Variants in KCNH5 observed in about 807,000 individuals in gnomAD.
KCNH5 encodes the protein voltage-gated delayed rectifier potassium channel KCNH5.
A neutral mutation model predicts 96.1 loss-of-function variants in KCNH5; 46 were observed. That is an observed-to-expected ratio of 0.48 (90% CI 0.38 to 0.61). The LOEUF (loss-of-function observed/expected upper bound fraction) is 0.61. Ranked by LOEUF, KCNH5 falls within the 20% of genes least tolerant of loss-of-function variation. The pLI is 0.00. For synonymous variants in KCNH5, 439 were observed against 449.8 expected (o/e 0.98, Z 0.30); for missense variants, 907 against 1,225.8 (o/e 0.74, Z 3.88).
chr14:62,951,795 T>C (rs1022828380), intron 6 of KCNH5, among the ~76,000 whole-genome samples: 1 of 151,782 alleles, frequency 6.6e-6, no homozygotes, highest in African/African-American at 2.4e-5. Context: ...ACCCTGTCTC[T>C]ACTAAAAAAA....
At chr14:63,006,320 T>A in intron 3 of KCNH5, 46 bp downstream of exon 3, 1 of 1,196,222 alleles carries the variant, frequency 8.4e-7, no homozygotes. Context: ...CCAAACATAA[T>A]ATTAATAAAG....
At chr14:62,918,109 G>A (rs1889310674) in intron 7 of KCNH5, among the ~76,000 whole-genome samples, 3 of 151,968 alleles carry the variant, frequency 2.0e-5, no homozygotes, top group Admixed American at 6.6e-5. Context: ...GGAAGTTTAA[G>A]GTATTCTCTT....
intron 8 of KCNH5, among the ~76,000 whole-genome samples, chr14:62,829,513 T>A (rs1356379714): frequency 6.6e-6 from 1 of 152,154 alleles, no homozygotes; most frequent in African/African-American, 2.4e-5. Flanking sequence ...CACACAGAAG[T>A]CACCAACGCT....
chr14:62,822,396 C>T (rs1160246814), intron 8 of KCNH5, among the ~76,000 whole-genome samples: 2 of 152,004 alleles, frequency 1.3e-5, no homozygotes, highest in African/African-American at 2.4e-5. Context: ...ATTAAGACAG[C>T]GTGATGTTGG....
intron 7 of KCNH5, among the ~76,000 whole-genome samples, chr14:62,890,475 C>A (rs889284381): frequency 5.3e-5 from 8 of 151,566 alleles, no homozygotes; most frequent in African/African-American, 1.9e-4. Flanking sequence ...GCGGGCGGAT[C>A]ACGAGGTCAG....
chr14:62,770,600 C>T (rs933216764), intron 10 of KCNH5, among the ~76,000 whole-genome samples: 1 of 152,128 alleles, frequency 6.6e-6, no homozygotes, highest in East Asian at 1.9e-4. Context: ...TTTTACAATT[C>T]GGATTGATCA....
intron 10 of KCNH5, among the ~76,000 whole-genome samples, chr14:62,720,519 C>A (rs1169293788): frequency 6.6e-6 from 1 of 152,090 alleles, no homozygotes; most frequent in East Asian, 1.9e-4. Context: ...GGAGGCGGAG[C>A]CTGCACTGAG....
At chr14:62,861,840 A>G (rs967954132) in intron 7 of KCNH5, among the ~76,000 whole-genome samples, 1 of 152,230 alleles carries the variant, frequency 6.6e-6, no homozygotes, top group Non-Finnish European at 1.5e-5. Context: ...ATTTCGATAC[A>G]GAGATTTTCC....
chr14:62,747,099 C>A (rs963029079), intron 10 of KCNH5, among the ~76,000 whole-genome samples: 3 of 152,166 alleles, frequency 2.0e-5, no homozygotes, highest in African/African-American at 7.2e-5. Flanking sequence ...TTCGGGAACC[C>A]GAGGCGGGTG....
intron 7 of KCNH5, among the ~76,000 whole-genome samples, chr14:62,893,733 G>C (rs542963069): frequency 1.3e-4 from 18 of 139,102 alleles, no homozygotes; most frequent in African/African-American, 5.1e-4. Context: ...CTGGGCGACA[G>C]AGCGAGACTC....
chr14:62,770,214 C>A (rs1309797123), intron 10 of KCNH5, among the ~76,000 whole-genome samples: 1 of 152,154 alleles, frequency 6.6e-6, no homozygotes, highest in Non-Finnish European at 1.5e-5. Context: ...CACATGTACA[C>A]CAAGCAAATA....
At chr14:62,720,979 A>G (rs1884801471) in intron 10 of KCNH5, among the ~76,000 whole-genome samples, 1 of 152,244 alleles carries the variant, frequency 6.6e-6, no homozygotes, top group Admixed American at 6.5e-5. Flanking sequence ...AATGGCGAAG[A>G]GTGATGACTG....
intron 7 of KCNH5, among the ~76,000 whole-genome samples, chr14:62,871,956 A>G (rs1888264675): frequency 6.6e-6 from 1 of 152,200 alleles, no homozygotes; most frequent in Non-Finnish European, 1.5e-5. Context: ...CTCTGATCCC[A>G]TTAAATTCCT....
At chr14:62,825,007 T>C (rs1043690962) in intron 8 of KCNH5, among the ~76,000 whole-genome samples, 2 of 152,066 alleles carry the variant, frequency 1.3e-5, no homozygotes, top group Non-Finnish European at 1.5e-5. Context: ...TAATCCACCA[T>C]TGATGGGCAC....
At chr14:62,998,013 A>G (rs1463201907) in intron 4 of KCNH5, among the ~76,000 whole-genome samples, 1 of 151,944 alleles carries the variant, frequency 6.6e-6, no homozygotes, top group Non-Finnish European at 1.5e-5. Context: ...ATAGGTTAAG[A>G]GAGCTCTCTC....
intron 7 of KCNH5, among the ~76,000 whole-genome samples, chr14:62,873,331 G>A (rs1279196942): frequency 1.3e-5 from 2 of 152,124 alleles, no homozygotes; most frequent in Non-Finnish European, 2.9e-5. Flanking sequence ...GATACATGAA[G>A]GACAGCTCTT....
At chr14:62,717,429 A>G (rs2139909363) in intron 10 of KCNH5, among the ~76,000 whole-genome samples, 1 of 152,346 alleles carries the variant, frequency 6.6e-6, no homozygotes, top group Middle Eastern at 3.4e-3. Context: ...TACTGGCATA[A>G]GAATAGACAT....
intron 7 of KCNH5, among the ~76,000 whole-genome samples, chr14:62,873,389 G>T (rs1265488207): frequency 2.0e-5 from 3 of 152,106 alleles, no homozygotes; most frequent in Non-Finnish European, 4.4e-5. Context: ...TTGAGTGAAA[G>T]AAGTGATTTT....
intron 10 of KCNH5, among the ~76,000 whole-genome samples, chr14:62,758,895 G>A (rs929462727): frequency 6.6e-6 from 1 of 152,168 alleles, no homozygotes; most frequent in Non-Finnish European, 1.5e-5. Flanking sequence ...CTAGACATAG[G>A]ATAAGATGTT....
Sources: allele counts gnomAD v4.1 joint callset (sites outside exome capture counted in the v4.1 genomes callset), GRCh38; gene constraint gnomAD v4.1.1; transcripts MANE v1.5; gene names NCBI Gene and HGNC (gene_info 2026-07-23, HGNC 2026-07-21).